Variants in KAZN observed in about 807,000 individuals in gnomAD.
The protein encoded by KAZN is kazrin.
A neutral mutation model predicts 87.4 loss-of-function variants in KAZN; 40 were observed. The observed-to-expected ratio is 0.46, with a 90% CI of 0.36 to 0.60. The LOEUF is 0.60. Among genes scored for constraint, KAZN ranks in the 20% least tolerant of loss-of-function variants. KAZN has a pLI of 0.00. For missense variants in KAZN, 898 were observed against 1,073.9 expected, an observed-to-expected ratio of 0.84 and a Z score of 2.29; for synonymous variants, 466 against 458.3, an observed-to-expected ratio of 1.02 and a Z score of -0.22.
intron 1 of KAZN, among the ~76,000 whole-genome samples, chr1:14,876,104 C>T (rs1572706149): frequency 6.6e-6 from 1 of 152,224 alleles, no homozygotes; most frequent in South Asian, 2.1e-4. Context: ...GGACTGTGAT[C>T]TTAACAGATG....
intron 1 of KAZN, among the ~76,000 whole-genome samples, chr1:14,006,628 C>T (rs924440735): frequency 6.6e-6 from 1 of 152,014 alleles, no homozygotes; most frequent in African/African-American, 2.4e-5. Flanking sequence ...TCTTGGTGCC[C>T]TGGTTGAAAA....
chr1:14,364,480 A>G (rs1000232897), intron 2 of KAZN, among the ~76,000 whole-genome samples: 1 of 152,186 alleles, frequency 6.6e-6, no homozygotes, highest in African/African-American at 2.4e-5. Flanking sequence ...TCATCTCTAA[A>G]ATGGGAATAA....
At chr1:14,372,745 A>C (rs1245013518) in intron 2 of KAZN, among the ~76,000 whole-genome samples, 1 of 152,210 alleles carries the variant, frequency 6.6e-6, no homozygotes, top group Non-Finnish European at 1.5e-5. Context: ...GTTGATTACA[A>C]GTGGCAAAGA....
chr1:14,971,653 C>G (rs903258716), intron 2 of KAZN, among the ~76,000 whole-genome samples: 1 of 148,396 alleles, frequency 6.7e-6, no homozygotes, highest in African/African-American at 2.5e-5. Flanking sequence ...CTGGAGGCAC[C>G]AGGAGTTGTT....
chr1:14,955,236 G>A (rs1474802081), intron 1 of KAZN, among the ~76,000 whole-genome samples: 2 of 152,266 alleles, frequency 1.3e-5, no homozygotes, highest in Non-Finnish European at 2.9e-5. Context: ...TCAGTGCAGA[G>A]GGGAAGGTGA....
At chr1:13,972,150 AAT>A in intron 1 of KAZN, among the ~76,000 whole-genome samples, 1 of 152,202 alleles carries the variant, frequency 6.6e-6, no homozygotes, top group East Asian at 1.9e-4. Flanking sequence ...GGAGAAATAG[AAT>A]ATTTCAGAAA....
intron 1 of KAZN, among the ~76,000 whole-genome samples, chr1:14,805,226 A>G (rs1022451367): frequency 1.3e-5 from 2 of 152,158 alleles, no homozygotes; most frequent in East Asian, 1.9e-4. Context: ...GCTCTGCCCC[A>G]TGAGGTTGTC....
Position 14,665,825 on chromosome 1 carries a change from G to A in KAZN, c.226+66602G>A, listed in dbSNP as rs1029841150. On this transcript the variant is annotated intron_variant, in intron 1 of 14. Coordinates refer to ENST00000376030, the MANE Select transcript of KAZN (RefSeq NM_201628.3). Reference sequence around the variant, plus strand: ...GTTAAAGCACACGGCTGCCTAGTTCGGGACAAAGTCAGCCCCTCCCCACTA... The same window carrying A: ...GTTAAAGCACACGGCTGCCTAGTTCAGGACAAAGTCAGCCCCTCCCCACTA... 5.9e-5 allele frequency among the ~76,000 whole-genome samples: 9 copies of A among 151,282 alleles called. No individual in the cohort carries two copies. In the East Asian group the frequency reaches 1.4e-3, roughly 23 times the overall value.
intron 2 of KAZN, among the ~76,000 whole-genome samples, chr1:14,351,723 G>A (rs1658563650): frequency 6.6e-6 from 1 of 152,164 alleles, no homozygotes; most frequent in Admixed American, 6.5e-5. Context: ...AGGCTCAAGG[G>A]AAGTACTCTC....
chr1:14,000,195 T>G (rs1639717967), intron 1 of KAZN, among the ~76,000 whole-genome samples: 1 of 152,152 alleles, frequency 6.6e-6, no homozygotes, highest in African/African-American at 2.4e-5. Context: ...CTGAACTGAT[T>G]TTATGACACC....
chr1:14,535,967 A>G (rs1463640668), intron 2 of KAZN, among the ~76,000 whole-genome samples: 2 of 152,224 alleles, frequency 1.3e-5, no homozygotes, highest in Admixed American at 1.3e-4. Context: ...TATGTGTTCA[A>G]TGGAATGACC....
At chr1:14,538,176 A>G (rs1672610054) in intron 2 of KAZN, among the ~76,000 whole-genome samples, 1 of 152,226 alleles carries the variant, frequency 6.6e-6, no homozygotes, top group Admixed American at 6.5e-5. Flanking sequence ...ACAATTTTCC[A>G]TCTAGACACA....
chr1:14,472,621 T>C, intron 2 of KAZN, among the ~76,000 whole-genome samples: 1 of 151,180 alleles, frequency 6.6e-6, no homozygotes, highest in East Asian at 1.9e-4. Context: ...TGAGCATCAG[T>C]AATGCCTACA....
intron 1 of KAZN, among the ~76,000 whole-genome samples, chr1:14,801,302 C>G (rs918355118): frequency 3.3e-5 from 5 of 152,110 alleles, no homozygotes; most frequent in African/African-American, 1.2e-4. Context: ...GAGTCAAAAC[C>G]AGGAGAAAGT....
intron 1 of KAZN, among the ~76,000 whole-genome samples, chr1:14,832,183 C>T (rs1343751817): frequency 6.8e-6 from 1 of 147,186 alleles, no homozygotes; most frequent in African/African-American, 2.6e-5. Context: ...GCAACAAGAG[C>T]GAAACTCCAT....
chr1:14,640,761 T>A (rs1680355973), intron 1 of KAZN, among the ~76,000 whole-genome samples: 1 of 152,208 alleles, frequency 6.6e-6, no homozygotes, highest in Non-Finnish European at 1.5e-5. Flanking sequence ...TCTGCCTGGA[T>A]AACTCTTTGC....
intron 1 of KAZN, among the ~76,000 whole-genome samples, chr1:14,817,608 C>T (rs1646609060): frequency 6.6e-6 from 1 of 152,152 alleles, no homozygotes; most frequent in African/African-American, 2.4e-5. Flanking sequence ...GTATGCCTTG[C>T]TGTCTTCTCT....
intron 1 of KAZN, among the ~76,000 whole-genome samples, chr1:13,949,306 G>A (rs148553414): frequency 2.5e-5 from 2 of 81,052 alleles, no homozygotes; most frequent in East Asian, 7.5e-4. Flanking sequence ...CATCCCATGA[G>A]CTCTTGTACT....
At chr1:14,088,724 G>A (rs1643907084) in intron 1 of KAZN, among the ~76,000 whole-genome samples, 1 of 151,898 alleles carries the variant, frequency 6.6e-6, no homozygotes, top group South Asian at 2.1e-4. Context: ...CAATTATTGA[G>A]AGAAGAATAT....
Sources: allele counts gnomAD v4.1 joint callset (sites outside exome capture counted in the v4.1 genomes callset), GRCh38; gene constraint gnomAD v4.1.1; transcripts MANE v1.5; gene names NCBI Gene and HGNC (gene_info 2026-07-23, HGNC 2026-07-21).